The following GLYR1 variants were observed in gnomAD, a reference collection of about 807,000 sequenced individuals.
The protein encoded by GLYR1 is cytokine-like nuclear factor N-PAC.
Under a neutral mutation model 72.7 loss-of-function variants are expected in GLYR1, and 21 were observed. The ratio of observed to expected loss-of-function variants is 0.29; its 90% CI spans 0.20 to 0.42. GLYR1 has a LOEUF of 0.42. Ranked by LOEUF, GLYR1 falls within the 10% of genes least tolerant of loss-of-function variation. The pLI, the probability that GLYR1 is intolerant of heterozygous loss-of-function variation, is 1.00. For synonymous variants in GLYR1, 392 were observed against 270.2 expected (o/e 1.45, Z -4.42); for missense variants, 594 against 712.1 (o/e 0.83, Z 1.89).
Position 4,811,222 on chromosome 16 carries a change from G to A in GLYR1, c.1535C>T (p.Ala512Val), listed in dbSNP as rs142774333. 3.1e-5 allele frequency: 50 copies of A among 1,614,100 alleles called. No homozygotes were observed. Among genetic ancestry groups the A allele is most frequent in the African/African-American group, 4.0e-5 (3 of 75,042 alleles). The stretch of plus-strand genomic sequence containing the variant: ...CGGATGGTTGACCGCATCACCCAGC[G>A]CAATGGCTAAGCGGAGATCCTTCTG... ...YIQKDLRLAI[A>V]LGDAVNHPTP... Residue 512 changes from alanine to valine, a missense_variant, in exon 15 of 16, where the codon GCG (alanine) becomes GTG (valine). By Grantham distance (64) the Ala-to-Val change is moderately conservative. Transcript: ENST00000321919.
At chr16:4,832,664 T>G in intron 4 of GLYR1, 110 bp downstream of exon 4, 2 of 1,267,794 alleles carry the variant, frequency 1.6e-6, no homozygotes, top group African/African-American at 1.5e-5. Flanking sequence ...CTTTCTCCAG[T>G]AGCATTTCAG....
chr16:4,805,883 A>G (rs2082939852), intron 15 of GLYR1, among the ~76,000 whole-genome samples: 1 of 152,062 alleles, frequency 6.6e-6, no homozygotes. Context: ...CAGGAGGTTG[A>G]GGCAGGAGAA....
intron 15 of GLYR1, among the ~76,000 whole-genome samples, chr16:4,809,190 T>G (rs900696642): frequency 5.5e-4 from 31 of 56,396 alleles, no homozygotes; most frequent in African/African-American, 1.3e-3. Context: ...CAGCTTTCGT[T>G]TTTTTTTTTT....
chr16:4,832,968 A>G, intron 3 of GLYR1, 56 bp from the exon 4 acceptor site: 1 of 1,490,954 alleles, frequency 6.7e-7, no homozygotes, highest in Non-Finnish European at 9.0e-7. Flanking sequence ...GCCCTAAAGT[A>G]TCAACAACCT....
chr16:4,834,641 T>C (rs1442040667), intron 3 of GLYR1, among the ~76,000 whole-genome samples: 1 of 152,118 alleles, frequency 6.6e-6, no homozygotes, highest in Non-Finnish European at 1.5e-5. Context: ...AATTTTTATG[T>C]TTCTAGTAGA....
In GLYR1 at chr16:4,824,168, C is replaced by T. The variant is rs191226303; in HGVS notation, c.538-261G>A. Among the ~76,000 whole-genome samples the T allele has an allele frequency of 1.5e-3, 228 of 152,314 alleles. 2 individuals are homozygous for T. Among genetic ancestry groups the T allele is most frequent in the African/African-American group, 5.1e-3 (210 of 41,552 alleles). ...GAAAGCCCAAGTACGATCTGCAGTACTGTCTGCAAAGTTTCAGAGTAAATG... is the reference window on the plus strand; with the variant it reads ...GAAAGCCCAAGTACGATCTGCAGTATTGTCTGCAAAGTTTCAGAGTAAATG... On this transcript the variant is annotated intron_variant, in intron 5 of 15. Coordinates refer to ENST00000321919, the MANE Select transcript of GLYR1 (RefSeq NM_032569.4).
chr16:4,844,166 C>T (rs906481528), intron 3 of GLYR1, among the ~76,000 whole-genome samples: 2 of 150,740 alleles, frequency 1.3e-5, no homozygotes, highest in East Asian at 1.9e-4. Flanking sequence ...AGGTAAGCCA[C>T]TTGACATAGT....
At position 4,827,968 on chromosome 16, in the gene GLYR1, T is replaced by C. The variant is rs554791888; in HGVS notation, c.537+4011A>G. On this transcript the variant is annotated intron_variant, in intron 5 of 15. Coordinates refer to ENST00000321919, the MANE Select transcript of GLYR1 (RefSeq NM_032569.4). The stretch of plus-strand genomic sequence containing the variant: ...AAGGTTTGTGGCAACCCAGTATCAA[T>C]CAAATCTATGGGGGACATTTTCCCA... 4.0e-5 allele frequency among the ~76,000 whole-genome samples: 6 copies of C among 151,160 alleles called. No homozygotes were observed. In the South Asian group the frequency reaches 1.3e-3, roughly 32 times the overall value.
At chr16:4,817,143 G>A (rs1025096107) in intron 10 of GLYR1, among the ~76,000 whole-genome samples, 10 of 149,572 alleles carry the variant, frequency 6.7e-5, no homozygotes, top group East Asian at 2.0e-4. Flanking sequence ...TTTTTGAGAC[G>A]GAGTCTTGCT....
intron 3 of GLYR1, chr16:4,839,603 C>G (rs531722980): frequency 6.6e-6 from 1 of 152,276 alleles, no homozygotes; most frequent in South Asian, 2.1e-4. Flanking sequence ...TCTTGGCCAT[C>G]TCGCTCAGGG....
At chr16:4,820,511 ATTTTTT>A (rs1257303390) in intron 9 of GLYR1, among the ~76,000 whole-genome samples, 1 of 151,982 alleles carries the variant, frequency 6.6e-6, no homozygotes, top group Non-Finnish European at 1.5e-5. Flanking sequence ...TTTTATTTTT[ATTTTTT>A]TAACACAATC....
At position 4,821,915 on chromosome 16, in the gene GLYR1, A is replaced by C. The variant is rs948734859; in HGVS notation, c.682-318T>G. 4.6e-5 allele frequency among the ~76,000 whole-genome samples: 7 copies of C among 152,370 alleles called. No individual in the cohort carries two copies. The South Asian group carries it at 8.3e-4, about 18-fold the overall frequency. ...GGCTCAGGCCACCCCATAACCTTGC[A>C]GACCTTGGGAGGACCTCCCTCTGCA... On this transcript the variant is annotated intron_variant, in intron 7 of 15. Coordinates refer to ENST00000321919, the MANE Select transcript of GLYR1 (RefSeq NM_032569.4).
At chr16:4,827,474 A>G (rs971444789) in intron 5 of GLYR1, among the ~76,000 whole-genome samples, 1 of 152,176 alleles carries the variant, frequency 6.6e-6, no homozygotes, top group African/African-American at 2.4e-5. Flanking sequence ...AAGCACAAAG[A>G]ACAGGCAGGA....
rs1436347816 is a variant in GLYR1, at chr16:4,846,327, C to G, written c.39-117G>C. Reference sequence around the variant, plus strand: ...CTGCTGGCATCCTCAAATGCCGAAACAAAAGCTTTCATAGCTGGGCCCAAC... The same window carrying G: ...CTGCTGGCATCCTCAAATGCCGAAAGAAAAGCTTTCATAGCTGGGCCCAAC... On this transcript the variant is annotated intron_variant, in intron 1 of 15. Transcript: ENST00000321919. 5 of 1,140,090 alleles carry G rather than the reference C, an allele frequency of 4.4e-6. No homozygotes were observed. The Admixed American group carries it at 6.9e-5, about 16-fold the overall frequency. 70.6% of individuals were successfully genotyped at this position (1,140,090 alleles called of 1,614,324 possible).
At chr16:4,810,499 G>A (rs1426567265) in intron 15 of GLYR1, among the ~76,000 whole-genome samples, 1 of 151,126 alleles carries the variant, frequency 6.6e-6, no homozygotes, top group East Asian at 1.9e-4. Context: ...GACAGAGTGA[G>A]ACTCTGTCTC....
chr16:4,817,213 G>A (rs1349742335), intron 10 of GLYR1, among the ~76,000 whole-genome samples: 7 of 151,178 alleles, frequency 4.6e-5, no homozygotes, highest in African/African-American at 1.5e-4. Flanking sequence ...TCTGCCTCCC[G>A]GGTTCATGCC....
intron 15 of GLYR1, 60 bp downstream of exon 15, chr16:4,811,110 A>G: frequency 1.3e-6 from 2 of 1,569,238 alleles, no homozygotes; most frequent in Non-Finnish European, 1.7e-6. Context: ...GTTAAAAAAA[A>G]AAAAAAAAGA....
intron 2 of GLYR1, among the ~76,000 whole-genome samples, chr16:4,845,487 C>T (rs2085942869): frequency 6.6e-6 from 1 of 152,032 alleles, no homozygotes; most frequent in Non-Finnish European, 1.5e-5. Flanking sequence ...CATCCCCTGC[C>T]CCCCACCACC....
At chr16:4,832,347 T>TA in intron 4 of GLYR1, 126 bp from the exon 5 acceptor site, 1 of 1,159,386 alleles carries the variant, frequency 8.6e-7, no homozygotes, top group South Asian at 1.5e-5. Flanking sequence ...ACCCTAGAAA[T>TA]AGATTCTGCT....
Sources: gnomAD v4.1 joint callset for allele counts (sites outside exome capture counted in the v4.1 genomes callset) on GRCh38, gnomAD v4.1.1 for gene constraint, MANE v1.5 for transcripts, NCBI Gene and HGNC (gene_info 2026-07-23, HGNC 2026-07-21) for gene names.